The following UBN2 variants were observed in gnomAD, a reference collection of about 807,000 sequenced individuals.
The protein encoded by UBN2 is ubinuclein 2.
Under a neutral mutation model 120.2 loss-of-function variants are expected in UBN2, and 35 were observed. The observed-to-expected ratio is 0.29, with a 90% CI of 0.22 to 0.39. The LOEUF is 0.39. UBN2 is among the 10% of genes least tolerant of loss of function. The pLI, the probability that UBN2 is intolerant of heterozygous loss-of-function variation, is 1.00. For synonymous variants in UBN2, 661 were observed against 648.7 expected (o/e 1.02, Z -0.29); for missense variants, 1,693 against 1,663.2 (o/e 1.02, Z -0.31).
chr7:139,287,865 T>C (rs903201003), intron 15 of UBN2, among the ~76,000 whole-genome samples: 3 of 152,178 alleles, frequency 2.0e-5, no homozygotes, highest in East Asian at 1.9e-4. Context: ...TTCCTATCTA[T>C]GCCTGTAAAG....
At chr7:139,325,980 C>T in the UBN2 span, among the ~76,000 whole-genome samples, 6 of 152,056 alleles carry the variant, frequency 3.9e-5, no homozygotes, top group African/African-American at 1.5e-4. Context: ...CACTTGAGGC[C>T]AGGGGTTTGA....
intron 6 of UBN2, among the ~76,000 whole-genome samples, chr7:139,264,980 G>A (rs911014223): frequency 1.3e-5 from 2 of 151,944 alleles, no homozygotes; most frequent in South Asian, 4.2e-4. Context: ...ATGGTAATTG[G>A]GTTAGCCATC....
the UBN2 span, among the ~76,000 whole-genome samples, chr7:139,328,630 A>C: frequency 6.6e-6 from 1 of 152,126 alleles, no homozygotes; most frequent in Non-Finnish European, 1.5e-5. Flanking sequence ...GTCCAGGGAA[A>C]ATTAGGATGA....
In UBN2 at chr7:139,259,146, T is replaced by C. The variant is rs1242420048; in HGVS notation, c.802-121T>C. 65 of 1,426,900 alleles carry C rather than the reference T, an allele frequency of 4.6e-5. 1 individual carries two copies. Among genetic ancestry groups the C allele is most frequent in the Non-Finnish European group, 5.1e-5 (55 of 1,075,176 alleles). 88.4% of individuals were successfully genotyped at this position (1,426,900 alleles called of 1,614,324 possible). A position where few individuals can be genotyped will look rare whatever the true frequency, so the allele number is the denominator to read the frequency against. ...CTTGAACCCCAAGGATCTGCAGTTA[T>C]AACAAACGATTGTAATGCACACTGA... On this transcript the variant is annotated intron_variant, in intron 4 of 17. Coordinates refer to ENST00000473989, the MANE Select transcript of UBN2 (RefSeq NM_173569.4).
chr7:139,269,718 G>T (rs1041308567), intron 8 of UBN2, among the ~76,000 whole-genome samples, 195 bp downstream of exon 8: 1 of 152,118 alleles, frequency 6.6e-6, no homozygotes, highest in African/African-American at 2.4e-5. Flanking sequence ...GTTTAGATGA[G>T]AAATGTTTTC....
chr7:139,269,665 G>T, intron 8 of UBN2, 142 bp downstream of exon 8: 1 of 880,554 alleles, frequency 1.1e-6, no homozygotes, highest in African/African-American at 1.7e-5. Flanking sequence ...TTAAAAGTAT[G>T]TTGGATCCCC....
chr7:139,249,010 C>CTGTG (rs559214097), intron 2 of UBN2, among the ~76,000 whole-genome samples: 2,694 of 147,714 alleles, frequency 0.018, 91 homozygotes, highest in African/African-American at 0.062. Context: ...TTTATTACAT[C>CTGTG]TGTGTGTGTG....
At chr7:139,236,688 G>A (rs1796170557) in intron 1 of UBN2, among the ~76,000 whole-genome samples, 1 of 151,348 alleles carries the variant, frequency 6.6e-6, no homozygotes, top group Admixed American at 6.6e-5. Context: ...ACTGTGAAAT[G>A]TATATGAGTC....
chr7:139,282,275 T>C (rs1265858637), intron 14 of UBN2, among the ~76,000 whole-genome samples: 2 of 152,230 alleles, frequency 1.3e-5, no homozygotes, highest in Non-Finnish European at 2.9e-5. Flanking sequence ...TGTGCTCTAG[T>C]TCTTTTTCTT....
At chr7:139,278,225 A>G (rs1404886401) in intron 12 of UBN2, among the ~76,000 whole-genome samples, 4 of 127,664 alleles carry the variant, frequency 3.1e-5, no homozygotes, top group Non-Finnish European at 4.7e-5. Flanking sequence ...TCTGTCGCCC[A>G]GGCTGGAGTT....
At chr7:139,308,899 G>A (rs567698441), downstream of UBN2, among the ~76,000 whole-genome samples, 12 of 152,154 alleles carry the variant, frequency 7.9e-5, no homozygotes, top group Admixed American at 5.9e-4. Context: ...GTGCAACCCC[G>A]TCTCTGCTGA....
chr7:139,232,149 T>C (rs1189791094), intron 1 of UBN2, among the ~76,000 whole-genome samples, 197 bp downstream of exon 1: 1 of 151,858 alleles, frequency 6.6e-6, no homozygotes, highest in African/African-American at 2.4e-5. Context: ...GCCGAGGCTC[T>C]CACCCGGCTG....
rs1290553285 is a variant in UBN2 at position 139,307,907 on chromosome 7, T to G, written c.*10071T>G. 1 of 152,156 alleles carries G rather than the reference T, an allele frequency of 6.6e-6. No homozygotes were observed. The highest frequency in any genetic ancestry group is 2.4e-5 in the African/African-American group (1 of 41,436). The allele number at this position is 152,156 out of a possible 1,614,324, so 9.4% of individuals were successfully genotyped here. ...TTTTAACCAAAAAAAAATCACACATTTCATAAAACCCTGATGAATTTTGGA... is the reference window on the plus strand; with the variant it reads ...TTTTAACCAAAAAAAAATCACACATGTCATAAAACCCTGATGAATTTTGGA... On this transcript the variant is annotated 3_prime_UTR_variant, in exon 18 of 18. Transcript: ENST00000473989.
rs986283964 is a variant in UBN2 at position 139,305,761 on chromosome 7, C to T, written c.*7925C>T. 3.3e-5 allele frequency: 5 copies of T among 151,838 alleles called. No individual in the cohort carries two copies. Among genetic ancestry groups the T allele is most frequent in the Admixed American group, 1.3e-4 (2 of 15,270 alleles). 9.4% of individuals were successfully genotyped at this position (151,838 alleles called of 1,614,324 possible). ...GGGACTAGAGGTGTTCTTTTTTTTC[C>T]TCTTCTCCTTTGTATTAAAAAATAG... On this transcript the variant is annotated 3_prime_UTR_variant, in exon 18 of 18. Coordinates refer to ENST00000473989, the MANE Select transcript of UBN2 (RefSeq NM_173569.4).
chr7:139,316,330 G>C, the UBN2 span, among the ~76,000 whole-genome samples: 1 of 152,104 alleles, frequency 6.6e-6, no homozygotes, highest in South Asian at 2.1e-4. Flanking sequence ...TTCCAGGAGA[G>C]TTTTCAAAGA....
intron 9 of UBN2, 116 bp from the exon 10 acceptor site, chr7:139,273,181 C>T (rs1269318010): frequency 7.2e-6 from 4 of 556,592 alleles, no homozygotes; most frequent in Middle Eastern, 2.9e-4. Context: ...AGGTAGATTC[C>T]GTCTTTACCC....
At chr7:139,271,066 G>A (rs988398278) in intron 8 of UBN2, among the ~76,000 whole-genome samples, 2 of 152,068 alleles carry the variant, frequency 1.3e-5, no homozygotes, top group South Asian at 4.1e-4. Flanking sequence ...ACAGGCGTGA[G>A]CCACTGCGCC....
chr7:139,270,509 TC>T (rs1486581632), intron 8 of UBN2, among the ~76,000 whole-genome samples: 1 of 152,096 alleles, frequency 6.6e-6, no homozygotes, highest in African/African-American at 2.4e-5. Flanking sequence ...CCTCAGGTGA[TC>T]CGCCCAGCTT....
At chr7:139,238,409 C>G (rs1160406495) in intron 2 of UBN2, among the ~76,000 whole-genome samples, 1 of 151,932 alleles carries the variant, frequency 6.6e-6, no homozygotes, top group Admixed American at 6.6e-5. Flanking sequence ...GGTTTTTTAG[C>G]TTTGGGCCAC....
Sources: gnomAD v4.1 joint callset for allele counts (sites outside exome capture counted in the v4.1 genomes callset) on GRCh38, gnomAD v4.1.1 for gene constraint, MANE v1.5 for transcripts, NCBI Gene and HGNC (gene_info 2026-07-23, HGNC 2026-07-21) for gene names.